The following MMP20 variants were observed in gnomAD, a reference collection of about 807,000 sequenced individuals.
The protein encoded by MMP20 is matrix metallopeptidase 20.
In MMP20, 50 loss-of-function variants were observed where a neutral mutation model predicts 51.8. The ratio of observed to expected loss-of-function variants is 0.97; its 90% CI spans 0.77 to 1.22. The LOEUF is 1.22. Ranked by LOEUF, MMP20 falls within the 50% of genes most tolerant of loss-of-function variation. The pLI is 0.00. For missense variants in MMP20, 663 were observed against 601.4 expected, an observed-to-expected ratio of 1.10 and a Z score of -1.07; for synonymous variants, 244 against 216.2, an observed-to-expected ratio of 1.13 and a Z score of -1.13.
intron 8 of MMP20, among the ~76,000 whole-genome samples, chr11:102,580,996 T>C (rs1859186106): frequency 6.6e-6 from 1 of 152,184 alleles, no homozygotes; most frequent in Admixed American, 6.5e-5. Flanking sequence ...TCTGTTATAG[T>C]CCAAAGAGCT....
At chr11:102,611,052 G>A (rs928540011) in intron 3 of MMP20, among the ~76,000 whole-genome samples, 2 of 152,142 alleles carry the variant, frequency 1.3e-5, no homozygotes, top group African/African-American at 2.4e-5. Flanking sequence ...GCCAGGTCAC[G>A]CCCAGGGCCA....
rs1473335999 is a variant in MMP20 at position 102,581,744 on chromosome 11, C to T, written c.1248-2602G>A. On this transcript the variant is annotated intron_variant, in intron 8 of 9. Transcript: ENST00000260228. Reference sequence around the variant, plus strand: ...ATGTTCAATGAAAATAAAAGAAATACCTACTTCTCAAGATTGTTGAAAGGT... The same window carrying T: ...ATGTTCAATGAAAATAAAAGAAATATCTACTTCTCAAGATTGTTGAAAGGT... 2.6e-5 allele frequency among the ~76,000 whole-genome samples: 4 copies of T among 152,184 alleles called. No homozygotes were observed. The East Asian group carries it at 7.7e-4, about 29-fold the overall frequency.
intron 6 of MMP20, among the ~76,000 whole-genome samples, chr11:102,600,985 G>A (rs1859438682): frequency 1.3e-5 from 2 of 152,020 alleles, no homozygotes; most frequent in African/African-American, 4.8e-5. Flanking sequence ...CACCACAGGG[G>A]TTTTGTCTCT....
At chr11:102,581,346 A>G (rs988712595) in intron 8 of MMP20, among the ~76,000 whole-genome samples, 3 of 152,192 alleles carry the variant, frequency 2.0e-5, no homozygotes, top group Non-Finnish European at 4.4e-5. Flanking sequence ...TAAGGAGTTT[A>G]ATCTTTAAAC....
rs779608955 is a variant in MMP20, at chr11:102,611,882, G to A, written c.396C>T (p.Ser132=). The A allele has an allele frequency of 2.5e-6, 4 of 1,613,996 alleles. No homozygotes were observed. The African/African-American group carries it at 5.3e-5, about 22-fold the overall frequency. Residue 132 remains serine (S), a synonymous_variant, in exon 3 of 10, where the codon TCC becomes TCT. Coordinates refer to ENST00000260228, the MANE Select transcript of MMP20 (RefSeq NM_004771.4). ...LTYRISKYTP[S]MSSVEVDKAV... The stretch of plus-strand genomic sequence containing the variant: ...CTTTGTCCACCTCGACAGAACTCAT[G>A]GAAGGTGTGTATTTAGATATTCTGT...
intron 5 of MMP20, chr11:102,607,093 G>A (rs1410389716): frequency 5.5e-6 from 1 of 181,382 alleles, no homozygotes; most frequent in East Asian, 1.4e-4. Context: ...TGGATTGTTT[G>A]TTTGTAATTA....
intron 2 of MMP20, among the ~76,000 whole-genome samples, chr11:102,614,971 A>G (rs1859649030): frequency 6.6e-6 from 1 of 151,750 alleles, no homozygotes; most frequent in East Asian, 1.9e-4. Flanking sequence ...CCTCATGAAC[A>G]GAGAAAATAA....
intron 8 of MMP20, among the ~76,000 whole-genome samples, chr11:102,583,909 C>T (rs2509014): frequency 0.91 from 138,651 of 152,244 alleles, 63,232 homozygotes; most frequent in East Asian, 0.99. Context: ...ACATCTTTCA[C>T]TTAGTATAAT....
intron 8 of MMP20, among the ~76,000 whole-genome samples, chr11:102,586,059 T>C (rs1859251227): frequency 6.6e-6 from 1 of 152,186 alleles, no homozygotes; most frequent in Non-Finnish European, 1.5e-5. Context: ...TCTGAAGCTT[T>C]ATTTTTTTGT....
chr11:102,617,474 C>G (rs988285354), intron 1 of MMP20, among the ~76,000 whole-genome samples: 6 of 152,158 alleles, frequency 3.9e-5, no homozygotes, highest in African/African-American at 1.4e-4. Context: ...TATCTGGTTT[C>G]TTTGGTAAAC....
chr11:102,609,035 G>C lies in MMP20; in HGVS notation c.713C>G (p.Thr238Arg). 1.9e-6 allele frequency: 3 copies of C among 1,614,044 alleles called. No homozygotes were observed. Among genetic ancestry groups the C allele is most frequent in the Non-Finnish European group, 2.5e-6 (3 of 1,179,890 alleles). Residue 238 changes from threonine (T) to arginine (R), a missense_variant, in exon 5 of 10, where the codon ACA (threonine) becomes AGA (arginine). Thr to Arg is a moderately conservative substitution (Grantham distance 71). Transcript: ENST00000260228. ...TGGGTACATCAGTGCTGATGGGTCT[G>C]TGGAATGGGCCAGGCCCAGGGCATG... ...FGHALGLAHS[T>R]DPSALMYPTY...
chr11:102,586,973 T>A (rs551607372), intron 8 of MMP20, among the ~76,000 whole-genome samples: 88 of 152,308 alleles, frequency 5.8e-4, no homozygotes, highest in African/African-American at 2.0e-3. Flanking sequence ...TGTTTATATT[T>A]CCTTCTTTCT....
chr11:102,617,053 G>A lies in MMP20; in HGVS notation c.133C>T (p.Leu45Phe). The A allele has an allele frequency of 6.2e-7, 1 of 1,614,174 alleles. No individual in the cohort carries two copies. The highest frequency in any genetic ancestry group is 1.3e-5 in the African/African-American group (1 of 75,038). ...RNNYRLAQAY[L>F]DKYYTNKEGH... The stretch of plus-strand genomic sequence containing the variant: ...TCTTTATTTGTGTAATATTTGTCAA[G>A]ATACGCCTGAAATGGAGAGGCAGGC... Residue 45 changes from leucine (L) to phenylalanine (F), a missense_variant, in exon 2 of 10, where the codon CTT (leucine) becomes TTT (phenylalanine). Transcript: ENST00000260228.
chr11:102,609,879 G>A lies in MMP20; in HGVS notation c.649+26C>T, dbSNP rs1859573318. Reference sequence around the variant, plus strand: ...CCAGAAGAAGGTACAATATTTTCCAGGTTATGGTGAATTGTGCATATATAC... The same window carrying A: ...CCAGAAGAAGGTACAATATTTTCCAAGTTATGGTGAATTGTGCATATATAC... On this transcript the variant is annotated intron_variant, in intron 4 of 9. Transcript: ENST00000260228. 2.5e-6 allele frequency: 4 copies of A among 1,613,976 alleles called. No individual in the cohort carries two copies. In the East Asian group the frequency reaches 8.9e-5, roughly 36 times the overall value.
chr11:102,596,371 C>T (rs1252359976), intron 6 of MMP20, among the ~76,000 whole-genome samples: 1 of 152,214 alleles, frequency 6.6e-6, no homozygotes, highest in Non-Finnish European at 1.5e-5. Context: ...TTTAACTCCA[C>T]TGCTGACCAG....
rs17098628 is a variant in MMP20 at position 102,578,865 on chromosome 11, T to A, written c.1351+174A>T. Among the ~76,000 whole-genome samples the A allele has an allele frequency of 1.4e-4, 21 of 152,302 alleles. No individual in the cohort carries two copies. The South Asian group carries it at 1.5e-3, about 11-fold the overall frequency. ...AGAGAGAACTAAAATACCAGAACTT[T>A]TACAGTTACTCTTTCTAGTGGACAA... On this transcript the variant is annotated intron_variant, in intron 9 of 9. Coordinates refer to ENST00000260228, the MANE Select transcript of MMP20 (RefSeq NM_004771.4).
At chr11:102,604,290 C>T (rs1222351606) in intron 6 of MMP20, among the ~76,000 whole-genome samples, 1 of 152,106 alleles carries the variant, frequency 6.6e-6, no homozygotes, top group East Asian at 1.9e-4. Context: ...CTCCTCCTGC[C>T]CTGCCTGGTC....
chr11:102,601,840 A>G (rs1591615801), intron 6 of MMP20, among the ~76,000 whole-genome samples: 1 of 152,200 alleles, frequency 6.6e-6, no homozygotes, highest in African/African-American at 2.4e-5. Context: ...TCACCAAATT[A>G]GTGTCCTAAT....
chr11:102,586,554 C>T (rs1859256636), intron 8 of MMP20, among the ~76,000 whole-genome samples: 1 of 152,034 alleles, frequency 6.6e-6, no homozygotes. Context: ...TGGCTCACAC[C>T]TGTAATCCCA....
Sources: gnomAD v4.1 joint callset for allele counts (sites outside exome capture counted in the v4.1 genomes callset) on GRCh38, gnomAD v4.1.1 for gene constraint, MANE v1.5 for transcripts, NCBI Gene and HGNC (gene_info 2026-07-23, HGNC 2026-07-21) for gene names.